The following CPED1 variants were observed in gnomAD, a reference collection of about 807,000 sequenced individuals.
CPED1 encodes the protein cadherin-like and PC-esterase domain-containing protein 1.
Under a neutral mutation model 128.2 loss-of-function variants are expected in CPED1, and 114 were observed. The observed-to-expected ratio is 0.89, with a 90% CI of 0.76 to 1.04. CPED1 has a LOEUF of 1.04. Ranked by LOEUF, CPED1 falls within the 50% of genes least tolerant of loss-of-function variation. The pLI is 0.00. For synonymous variants in CPED1, 462 were observed against 426.7 expected (o/e 1.08, Z -1.02); for missense variants, 1,211 against 1,207.1 (o/e 1.00, Z -0.05).
intron 7 of CPED1, among the ~76,000 whole-genome samples, chr7:121,120,068 C>T (rs1397511607): frequency 6.6e-6 from 1 of 152,266 alleles, no homozygotes; most frequent in South Asian, 2.1e-4. Flanking sequence ...TACTGATGCA[C>T]GTTTGGGTTG....
chr7:121,201,454 G>C (rs939128095), intron 16 of CPED1, among the ~76,000 whole-genome samples: 2 of 96,248 alleles, frequency 2.1e-5, no homozygotes, highest in African/African-American at 7.1e-5. Flanking sequence ...GAGAAAGAGA[G>C]AAAGAGGGAG....
At chr7:121,047,707 T>TCCTCCTCCTCCTCC (rs1793246255) in intron 4 of CPED1, among the ~76,000 whole-genome samples, 2 of 59,502 alleles carry the variant, frequency 3.4e-5, no homozygotes, top group African/African-American at 1.4e-4. Context: ...CTTCTTCTTC[T>TCCTCCTCCTCCTCC]TCTTCTTCTT....
At chr7:121,071,300 CCTT>C (rs914840303) in intron 5 of CPED1, among the ~76,000 whole-genome samples, 2 of 152,120 alleles carry the variant, frequency 1.3e-5, no homozygotes, top group African/African-American at 4.8e-5. Flanking sequence ...GTGGTCTAGT[CCTT>C]CTTCTCCCAC....
intron 5 of CPED1, among the ~76,000 whole-genome samples, chr7:121,096,798 C>T (rs1256115441): frequency 6.6e-6 from 1 of 151,498 alleles, no homozygotes; most frequent in Admixed American, 6.6e-5. Context: ...GAAAGGATGC[C>T]AGGATGGGTT....
intron 5 of CPED1, among the ~76,000 whole-genome samples, chr7:121,072,928 T>C (rs1794030990): frequency 6.6e-6 from 1 of 152,158 alleles, no homozygotes; most frequent in Non-Finnish European, 1.5e-5. Flanking sequence ...ATTTACACTA[T>C]GTTTCCTCTG....
At chr7:121,244,761 A>T (rs908238208) in intron 18 of CPED1, among the ~76,000 whole-genome samples, 1 of 152,120 alleles carries the variant, frequency 6.6e-6, no homozygotes, top group Non-Finnish European at 1.5e-5. Flanking sequence ...TGCATGTGAG[A>T]CTCACTTCTA....
rs1302636183 is a variant in CPED1, at chr7:121,136,228, A to C, written c.1699+138A>C. On this transcript the variant is annotated intron_variant, in intron 14 of 22. Coordinates refer to ENST00000310396, the MANE Select transcript of CPED1 (RefSeq NM_024913.5). The stretch of plus-strand genomic sequence containing the variant: ...TAAAGTAAATTTTAGAAGTTATTAG[A>C]TTTCCAATGGAGTCAGTATCTATCA... 3.8e-6 allele frequency: 3 copies of C among 787,660 alleles called. No individual in the cohort carries two copies. In the Admixed American group the frequency reaches 1.1e-4, roughly 28 times the overall value. The allele number at this position is 787,660 out of a possible 1,614,324, so 48.8% of individuals were successfully genotyped here.
intron 3 of CPED1, among the ~76,000 whole-genome samples, chr7:121,042,960 G>C (rs1043435777): frequency 6.6e-6 from 1 of 152,176 alleles, no homozygotes; most frequent in African/African-American, 2.4e-5. Context: ...TTGACCAGGG[G>C]CTTTGCCTGT....
At chr7:121,249,114 A>G (rs1482643372) in intron 18 of CPED1, among the ~76,000 whole-genome samples, 4 of 152,208 alleles carry the variant, frequency 2.6e-5, no homozygotes, top group Non-Finnish European at 5.9e-5. Context: ...AATCAACTCA[A>G]ACAAGAATAA....
chr7:121,158,403 A>T (rs983265936), intron 16 of CPED1, among the ~76,000 whole-genome samples: 1 of 152,142 alleles, frequency 6.6e-6, no homozygotes, highest in African/African-American at 2.4e-5. Flanking sequence ...TGCCAACTGG[A>T]CACATGCCGC....
At chr7:121,034,958 G>T (rs1792847991) in intron 3 of CPED1, among the ~76,000 whole-genome samples, 1 of 152,176 alleles carries the variant, frequency 6.6e-6, no homozygotes, top group Non-Finnish European at 1.5e-5. Context: ...TTCTGAATGT[G>T]GGGATCTAGG....
intron 16 of CPED1, among the ~76,000 whole-genome samples, chr7:121,161,602 G>A (rs1187057251): frequency 6.6e-6 from 1 of 152,216 alleles, no homozygotes; most frequent in East Asian, 1.9e-4. Context: ...ACTGGAGGAA[G>A]ATGGATATAC....
At chr7:121,099,734 CCTT>C (rs1348602953) in intron 6 of CPED1, among the ~76,000 whole-genome samples, 189 bp from the exon 7 acceptor site, 3 of 152,146 alleles carry the variant, frequency 2.0e-5, no homozygotes, top group Non-Finnish European at 4.4e-5. Context: ...CAATTTGACT[CCTT>C]CTCGCTGTAC....
At chr7:121,174,108 A>G (rs530320554) in intron 16 of CPED1, among the ~76,000 whole-genome samples, 2 of 152,182 alleles carry the variant, frequency 1.3e-5, no homozygotes, top group South Asian at 2.1e-4. Context: ...TTCCTTATAG[A>G]TGCTGGATAT....
At chr7:121,286,017 A>G (rs1368329532) in intron 22 of CPED1, among the ~76,000 whole-genome samples, 1 of 152,154 alleles carries the variant, frequency 6.6e-6, no homozygotes, top group Non-Finnish European at 1.5e-5. Context: ...GATTTAATTG[A>G]CTCACAGTTC....
In CPED1 at chr7:121,142,161, G is replaced by T. The variant is rs771471040; in HGVS notation, c.2055+20G>T. ...GTGCAGGTAAGTGAAGTTTACATTT[G>T]CACTTGGGTTGAATTGGGAATGATC... On this transcript the variant is annotated intron_variant, in intron 16 of 22. Transcript: ENST00000310396. The T allele has an allele frequency of 2.5e-6, 4 of 1,572,806 alleles. No homozygotes were observed. The South Asian group carries it at 3.5e-5, about 14-fold the overall frequency.
intron 16 of CPED1, among the ~76,000 whole-genome samples, chr7:121,179,692 T>A (rs1173024972): frequency 1.3e-5 from 2 of 152,110 alleles, no homozygotes; most frequent in Admixed American, 1.3e-4. Context: ...TGGTAATGAC[T>A]TATAAACCCA....
At chr7:121,135,946 A>G in intron 13 of CPED1, 94 bp from the exon 14 acceptor site, 2 of 963,080 alleles carry the variant, frequency 2.1e-6, no homozygotes, top group South Asian at 2.1e-5. Context: ...TAAATGAAAA[A>G]CATGTTTTAT....
At chr7:121,141,049 A>G (rs1380087415) in intron 15 of CPED1, 36 bp downstream of exon 15, 2 of 1,520,482 alleles carry the variant, frequency 1.3e-6, no homozygotes, top group Non-Finnish European at 1.8e-6. Flanking sequence ...TTGAGACACT[A>G]TACTGGGAAG....
Sources: allele counts gnomAD v4.1 joint callset (sites outside exome capture counted in the v4.1 genomes callset), GRCh38; gene constraint gnomAD v4.1.1; transcripts MANE v1.5; gene names NCBI Gene and HGNC (gene_info 2026-07-23, HGNC 2026-07-21).